UBE2D1: variants seen among roughly 807,000 people sequenced by gnomAD.
UBE2D1 encodes the protein ubiquitin conjugating enzyme E2 D1.
UBE2D1 carries 9 observed loss-of-function variants against 24.6 expected under a neutral mutation model. That is an observed-to-expected ratio of 0.37 (90% CI 0.22 to 0.64). The LOEUF (loss-of-function observed/expected upper bound fraction) is 0.64, where lower values mean the gene tolerates loss of function less well. Among genes scored for constraint, UBE2D1 ranks in the 30% least tolerant of loss-of-function variants. The pLI is 0.64. For synonymous variants in UBE2D1, 57 were observed against 57.6 expected (o/e 0.99, Z 0.04); for missense variants, 87 against 177.1 (o/e 0.49, Z 2.89).
Position 58,356,552 on chromosome 10 carries a change from T to C in UBE2D1, c.25-4786T>C, listed in dbSNP as rs573360901. On this transcript the variant is annotated intron_variant, in intron 1 of 6. Transcript: ENST00000373910. ...CAAGATGCTGCAGTAAATATCCTTATATATGTATCTTTAGCTACCAGGGCA... is the reference window on the plus strand; with the variant it reads ...CAAGATGCTGCAGTAAATATCCTTACATATGTATCTTTAGCTACCAGGGCA... 3.0e-4 allele frequency among the ~76,000 whole-genome samples: 46 copies of C among 152,308 alleles called. No individual in the cohort carries two copies. The South Asian group carries it at 3.9e-3, about 13-fold the overall frequency.
chr10:58,339,920 A>G (rs1839945428), intron 1 of UBE2D1, among the ~76,000 whole-genome samples: 1 of 152,206 alleles, frequency 6.6e-6, no homozygotes, highest in Non-Finnish European at 1.5e-5. Flanking sequence ...AGAGAATGAT[A>G]GTTTTTGGAT....
intron 1 of UBE2D1, among the ~76,000 whole-genome samples, chr10:58,347,639 C>CTTTTTTT (rs774396274): frequency 8.6e-6 from 1 of 116,242 alleles, no homozygotes; most frequent in African/African-American, 3.4e-5. Context: ...AAATTACACT[C>CTTTTTTT]TTTTTTTTTT....
At chr10:58,366,981 G>A (rs755384281) in intron 5 of UBE2D1, among the ~76,000 whole-genome samples, 4 of 152,102 alleles carry the variant, frequency 2.6e-5, no homozygotes, top group African/African-American at 4.8e-5. Context: ...TGCCCTGTTG[G>A]TTTAATATAC....
At chr10:58,356,998 T>C (rs756587667) in intron 1 of UBE2D1, among the ~76,000 whole-genome samples, 1 of 152,054 alleles carries the variant, frequency 6.6e-6, no homozygotes, top group Non-Finnish European at 1.5e-5. Flanking sequence ...GGGAGGCTAT[T>C]TATAGGGTGC....
chr10:58,368,868 A>T lies in UBE2D1; in HGVS notation c.*103A>T, dbSNP rs1449978742. The T allele has an allele frequency of 5.7e-6, 4 of 707,808 alleles. No homozygotes were observed. Among genetic ancestry groups the T allele is most frequent in the African/African-American group, 1.9e-5 (1 of 53,850 alleles). 43.8% of individuals were successfully genotyped at this position (707,808 alleles called of 1,614,324 possible). On this transcript the variant is annotated 3_prime_UTR_variant, in exon 7 of 7. Coordinates refer to ENST00000373910, the MANE Select transcript of UBE2D1 (RefSeq NM_003338.5). The stretch of plus-strand genomic sequence containing the variant: ...TGTTTACTGTTTCATTGTACCATGA[A>T]ACCATTTGATTTTTACCCATTTTAA...
At position 58,370,246 on chromosome 10, in the gene UBE2D1, A is replaced by T. The variant is rs1840300989; in HGVS notation, c.*1481A>T. 2.6e-5 allele frequency: 4 copies of T among 152,176 alleles called. No homozygotes were observed. Among genetic ancestry groups the T allele is most frequent in the Admixed American group, 2.6e-4 (4 of 15,248 alleles). The allele number at this position is 152,176 out of a possible 1,614,324, so 9.4% of individuals were successfully genotyped here. A position where few individuals can be genotyped will look rare whatever the true frequency, so the allele number is the denominator to read the frequency against. On this transcript the variant is annotated 3_prime_UTR_variant, in exon 7 of 7. Transcript: ENST00000373910. ...ATGTTTAGCATGCTTGTCAACCTTGAGTGAGTGTCATTTTTAAGAACAGTT... is the reference window on the plus strand; with the variant it reads ...ATGTTTAGCATGCTTGTCAACCTTGTGTGAGTGTCATTTTTAAGAACAGTT...
chr10:58,351,049 T>C (rs1207566282), intron 1 of UBE2D1, among the ~76,000 whole-genome samples: 2 of 152,124 alleles, frequency 1.3e-5, no homozygotes, highest in African/African-American at 4.8e-5. Flanking sequence ...GGTATGCCTG[T>C]ATAGGGCACT....
chr10:58,353,308 A>G (rs1840097389), intron 1 of UBE2D1, among the ~76,000 whole-genome samples: 1 of 152,218 alleles, frequency 6.6e-6, no homozygotes, highest in South Asian at 2.1e-4. Context: ...CATTTAGCCC[A>G]TCTGGTTAAG....
intron 1 of UBE2D1, among the ~76,000 whole-genome samples, chr10:58,345,846 T>A (rs1345998147): frequency 1.3e-5 from 2 of 152,038 alleles, no homozygotes; most frequent in Non-Finnish European, 2.9e-5. Context: ...ATGCTTGGCT[T>A]ATTTGGGAAG....
At position 58,369,105 on chromosome 10, in the gene UBE2D1, A is replaced by G. The variant is rs1840287234; in HGVS notation, c.*340A>G. Reference sequence around the variant, plus strand: ...AACTAGATGTTTTTACATGAGAAATACTGTATGTGTTGTCTAAGATGTCAG... The same window carrying G: ...AACTAGATGTTTTTACATGAGAAATGCTGTATGTGTTGTCTAAGATGTCAG... On this transcript the variant is annotated 3_prime_UTR_variant, in exon 7 of 7. Coordinates refer to ENST00000373910, the MANE Select transcript of UBE2D1 (RefSeq NM_003338.5). 1 of 170,124 alleles carries G rather than the reference A, an allele frequency of 5.9e-6. No homozygotes were observed. The highest frequency in any genetic ancestry group is 1.3e-5 in the Non-Finnish European group (1 of 79,544). 10.5% of individuals were successfully genotyped at this position (170,124 alleles called of 1,614,324 possible).
chr10:58,354,066 G>A (rs1840105008), intron 1 of UBE2D1, among the ~76,000 whole-genome samples: 1 of 152,126 alleles, frequency 6.6e-6, no homozygotes, highest in Non-Finnish European at 1.5e-5. Context: ...CATTTATTAA[G>A]CATCTATTAT....
rs900765643 is a variant in UBE2D1 at position 58,369,101 on chromosome 10, A to G, written c.*336A>G. On this transcript the variant is annotated 3_prime_UTR_variant, in exon 7 of 7. Transcript: ENST00000373910. ...CTGAAACTAGATGTTTTTACATGAG[A>G]AATACTGTATGTGTTGTCTAAGATG... 1.0e-4 allele frequency: 18 copies of G among 172,888 alleles called. No individual in the cohort carries two copies. Among genetic ancestry groups the G allele is most frequent in the Non-Finnish European group, 1.2e-4 (10 of 81,324 alleles). The allele number at this position is 172,888 out of a possible 1,614,324, so 10.7% of individuals were successfully genotyped here. A position where few individuals can be genotyped will look rare whatever the true frequency, so the allele number is the denominator to read the frequency against.
At chr10:58,362,666 A>G (rs1315419023) in intron 3 of UBE2D1, among the ~76,000 whole-genome samples, 2 of 152,106 alleles carry the variant, frequency 1.3e-5, no homozygotes, top group African/African-American at 4.8e-5. Context: ...ACTCTGGACC[A>G]TATCTGTCAT....
intron 1 of UBE2D1, among the ~76,000 whole-genome samples, chr10:58,336,384 G>A (rs1000154180): frequency 6.6e-6 from 1 of 152,190 alleles, no homozygotes; most frequent in Admixed American, 6.5e-5. Context: ...TATAGCAATA[G>A]TATATGTTAG....
At chr10:58,353,498 A>G (rs1840099237) in intron 1 of UBE2D1, among the ~76,000 whole-genome samples, 1 of 152,178 alleles carries the variant, frequency 6.6e-6, no homozygotes, top group Admixed American at 6.5e-5. Flanking sequence ...TGTGTCCTGA[A>G]AGTAGGTCAA....
Position 58,368,869 on chromosome 10 carries a change from A to G in UBE2D1, c.*104A>G. The G allele has an allele frequency of 1.4e-6, 1 of 700,400 alleles. No homozygotes were observed. Among genetic ancestry groups the G allele is most frequent in the Admixed American group, 3.7e-5 (1 of 27,306 alleles). The allele number at this position is 700,400 out of a possible 1,614,324, so 43.4% of individuals were successfully genotyped here. On this transcript the variant is annotated 3_prime_UTR_variant, in exon 7 of 7. Transcript: ENST00000373910. ...GTTTACTGTTTCATTGTACCATGAAACCATTTGATTTTTACCCATTTTAAA... is the reference window on the plus strand; with the variant it reads ...GTTTACTGTTTCATTGTACCATGAAGCCATTTGATTTTTACCCATTTTAAA...
At chr10:58,362,497 A>G (rs1840210649) in intron 3 of UBE2D1, among the ~76,000 whole-genome samples, 1 of 152,174 alleles carries the variant, frequency 6.6e-6, no homozygotes, top group African/African-American at 2.4e-5. Flanking sequence ...GTTTTTAATT[A>G]GTTACTAAGA....
chr10:58,368,131 T>A, intron 6 of UBE2D1, 115 bp downstream of exon 6: 1 of 717,456 alleles, frequency 1.4e-6, no homozygotes, highest in South Asian at 2.1e-5. Flanking sequence ...ATATGTATAT[T>A]GTTTATCTTT....
chr10:58,359,790 G>T (rs1431784801), intron 1 of UBE2D1, among the ~76,000 whole-genome samples: 2 of 152,158 alleles, frequency 1.3e-5, no homozygotes, highest in East Asian at 3.8e-4. Flanking sequence ...CTAAGACATT[G>T]AATAAATGTT....
Sources: gnomAD v4.1 joint callset for allele counts (sites outside exome capture counted in the v4.1 genomes callset) on GRCh38, gnomAD v4.1.1 for gene constraint, MANE v1.5 for transcripts, NCBI Gene and HGNC (gene_info 2026-07-23, HGNC 2026-07-21) for gene names.